EIF3H: variants seen among roughly 807,000 people sequenced by gnomAD.
EIF3H encodes eukaryotic translation initiation factor 3 subunit H, also known as eIF-3-gamma.
Under a neutral mutation model 44.2 loss-of-function variants are expected in EIF3H, and 26 were observed. The observed-to-expected ratio is 0.59, with a 90% confidence interval of 0.43 to 0.82. The LOEUF is 0.82. EIF3H is among the 40% of genes least tolerant of loss of function. The probability of loss-of-function intolerance (pLI) is 0.00; values close to 1 mark genes in which losing one functional copy is unlikely to be tolerated. For synonymous variants in EIF3H, 166 were observed against 151.9 expected, an observed-to-expected ratio of 1.09 and a Z score of -0.68; for missense variants, 359 against 432.8, an observed-to-expected ratio of 0.83 and a Z score of 1.51.
chr8:116,729,522 T>C (rs1458033734), intron 1 of EIF3H, among the ~76,000 whole-genome samples: 5 of 152,200 alleles, frequency 3.3e-5, no homozygotes, highest in Non-Finnish European at 4.4e-5. Context: ...GTAGTATCAA[T>C]AGAATACAGC....
At chr8:116,745,652 C>T (rs1815219994) in intron 1 of EIF3H, among the ~76,000 whole-genome samples, 1 of 152,094 alleles carries the variant, frequency 6.6e-6, no homozygotes, top group South Asian at 2.1e-4. Context: ...AAAGTCTGGC[C>T]CAGTGTGGTG....
chr8:116,699,768 G>A (rs926854677), intron 2 of EIF3H, among the ~76,000 whole-genome samples: 1 of 151,838 alleles, frequency 6.6e-6, no homozygotes, highest in Non-Finnish European at 1.5e-5. Flanking sequence ...CTAAAGGTGA[G>A]GGTCTTAATG....
intron 1 of EIF3H, among the ~76,000 whole-genome samples, chr8:116,747,252 G>C (rs1362361639): frequency 3.3e-5 from 5 of 152,152 alleles, no homozygotes; most frequent in East Asian, 3.9e-4. Flanking sequence ...TTTTAGTAGA[G>C]ATGGGGTTTC....
chr8:116,643,166 C>A lies in EIF3H; in HGVS notation c.*1840G>T, dbSNP rs1813249340. Reference sequence around the variant, plus strand: ...CAACAGAGCATATACTCCACAAGGGCAGGGGCCATGGCCAGTTTTACCTGT... The same window carrying A: ...CAACAGAGCATATACTCCACAAGGGAAGGGGCCATGGCCAGTTTTACCTGT... On this transcript the variant is annotated 3_prime_UTR_variant, in exon 8 of 8. Coordinates refer to ENST00000521861, the MANE Select transcript of EIF3H (RefSeq NM_003756.3). 6.6e-6 allele frequency: 1 copy of A among 152,226 alleles called. No individual in the cohort carries two copies. Among genetic ancestry groups the A allele is most frequent in the African/African-American group, 2.4e-5 (1 of 41,454 alleles). 9.4% of individuals were successfully genotyped at this position (152,226 alleles called of 1,614,324 possible).
chr8:116,669,175 C>T (rs1813713470), intron 2 of EIF3H, among the ~76,000 whole-genome samples: 1 of 152,030 alleles, frequency 6.6e-6, no homozygotes, highest in Non-Finnish European at 1.5e-5. Flanking sequence ...TTCTAAGATA[C>T]TAAAAACACT....
intron 2 of EIF3H, chr8:116,697,333 TG>T: frequency 5.1e-6 from 2 of 390,746 alleles, no homozygotes; most frequent in African/African-American, 2.1e-5. Flanking sequence ...TGCAAACATA[TG>T]GGATACTGAA....
At chr8:116,669,024 A>G (rs1016342828) in intron 2 of EIF3H, among the ~76,000 whole-genome samples, 1 of 152,142 alleles carries the variant, frequency 6.6e-6, no homozygotes, top group Non-Finnish European at 1.5e-5. Flanking sequence ...AAATCAGGAA[A>G]ATGGGGAGGG....
intron 2 of EIF3H, among the ~76,000 whole-genome samples, chr8:116,685,948 C>T (rs925215876): frequency 6.6e-6 from 1 of 152,128 alleles, no homozygotes; most frequent in East Asian, 1.9e-4. Flanking sequence ...TAGAAATCAA[C>T]GGCAAACTGA....
rs964590456 is a variant in EIF3H, at chr8:116,655,852, T to C, written c.707+4A>G. 3 of 1,613,458 alleles carry C rather than the reference T, an allele frequency of 1.9e-6. No homozygotes were observed. The highest frequency in any genetic ancestry group is 2.5e-6 in the Non-Finnish European group (3 of 1,179,670). ...TGGGCTTTTCATTAGGCAGGGCCACTTACCTGCTGGCAAGGCTGAGCAATT... is the reference window on the plus strand; with the variant it reads ...TGGGCTTTTCATTAGGCAGGGCCACCTACCTGCTGGCAAGGCTGAGCAATT... On this transcript the variant is annotated splice_donor_region_variant and intron_variant, in intron 5 of 7. Coordinates refer to ENST00000521861, the MANE Select transcript of EIF3H (RefSeq NM_003756.3).
intron 2 of EIF3H, among the ~76,000 whole-genome samples, chr8:116,672,114 G>T (rs1459981661): frequency 2.0e-5 from 3 of 152,192 alleles, no homozygotes; most frequent in Admixed American, 1.3e-4. Flanking sequence ...GTTAGATAGA[G>T]AAAGCTGACA....
At chr8:116,730,636 T>C (rs1162433916) in intron 1 of EIF3H, among the ~76,000 whole-genome samples, 2 of 152,214 alleles carry the variant, frequency 1.3e-5, no homozygotes, top group Non-Finnish European at 2.9e-5. Context: ...CAAAGTTTCA[T>C]AGATTCGAAG....
intron 2 of EIF3H, among the ~76,000 whole-genome samples, chr8:116,723,390 G>C (rs1044050131): frequency 6.6e-6 from 1 of 151,976 alleles, no homozygotes; most frequent in Admixed American, 6.6e-5. Context: ...TAATTCTGTG[G>C]GAGGTAATTC....
chr8:116,691,416 T>C (rs1157508612), intron 2 of EIF3H, among the ~76,000 whole-genome samples: 1 of 152,148 alleles, frequency 6.6e-6, no homozygotes, highest in Non-Finnish European at 1.5e-5. Flanking sequence ...CCCAAATATA[T>C]GGACTCTCAA....
chr8:116,703,560 G>C (rs1814416217), intron 2 of EIF3H, among the ~76,000 whole-genome samples: 1 of 152,220 alleles, frequency 6.6e-6, no homozygotes, highest in African/African-American at 2.4e-5. Flanking sequence ...CAGAATTAGT[G>C]AGAGTACTAA....
intron 1 of EIF3H, among the ~76,000 whole-genome samples, chr8:116,754,774 C>G (rs1422910660): frequency 6.6e-6 from 1 of 152,216 alleles, no homozygotes; most frequent in Admixed American, 6.5e-5. Flanking sequence ...TCAACAGATT[C>G]AATTATATGC....
At chr8:116,712,534 T>C (rs570491290) in intron 2 of EIF3H, among the ~76,000 whole-genome samples, 10 of 152,328 alleles carry the variant, frequency 6.6e-5, no homozygotes, top group South Asian at 4.1e-4. Flanking sequence ...TTTTCAACTA[T>C]ATCAGAAAGC....
exon 1 of EIF3H, chr8:116,766,203 CACTG>C (rs1391777389): frequency 2.9e-5 from 5 of 173,616 alleles, no homozygotes; most frequent in Non-Finnish European, 6.1e-5. Context: ...TCAATATTAT[CACTG>C]ACTACTACTA....
intron 2 of EIF3H, among the ~76,000 whole-genome samples, chr8:116,710,475 A>C (rs62510182): frequency 0.44 from 67,519 of 152,078 alleles, 18,868 homozygotes; most frequent in Non-Finnish European, 0.63. Flanking sequence ...ACATTCAACC[A>C]CCGCTAATTT....
intron 1 of EIF3H, among the ~76,000 whole-genome samples, chr8:116,761,766 G>A (rs1421410448): frequency 6.6e-6 from 1 of 152,166 alleles, no homozygotes; most frequent in Non-Finnish European, 1.5e-5. Context: ...CTTTTTCTAA[G>A]AGACAGCTTC....
Sources: allele counts gnomAD v4.1 joint callset (sites outside exome capture counted in the v4.1 genomes callset), GRCh38; gene constraint gnomAD v4.1.1; transcripts MANE v1.5; gene names NCBI Gene and HGNC (gene_info 2026-07-23, HGNC 2026-07-21).